SIX4: variants seen among roughly 807,000 people sequenced by gnomAD.
SIX4 encodes the protein homeobox protein SIX4.
In SIX4, 23 loss-of-function variants were observed where a neutral mutation model predicts 51.5. That is an observed-to-expected ratio of 0.45 (90% confidence interval 0.32 to 0.63). The LOEUF is 0.63. Ranked by LOEUF, SIX4 falls within the 30% of genes least tolerant of loss-of-function variation. The pLI is 0.04. For synonymous variants in SIX4, 413 were observed against 417.3 expected, an observed-to-expected ratio of 0.99 and a Z score of 0.13; for missense variants, 867 against 984.0, an observed-to-expected ratio of 0.88 and a Z score of 1.59.
intron 1 of SIX4, among the ~76,000 whole-genome samples, chr14:60,721,303 G>C (rs1426735415): frequency 6.6e-6 from 1 of 152,084 alleles, no homozygotes; most frequent in African/African-American, 2.4e-5. Flanking sequence ...GGTAGTGATG[G>C]GGTTTCCCAT....
In SIX4 at chr14:60,713,678, G is replaced by C. The variant is rs771500878; in HGVS notation, c.2075C>G (p.Ala692Gly). The part of the protein sequence containing the change: ...QAALGEIVPT[A>G]EDQVGHPSPA... ...GGAGGGGTGACCTACCTGATCTTCA[G>C]CTGTAGGAACTATTTCCCCAAGGGC... The change falls in exon 3 of 3, where the codon GCT becomes GGT. Residue 692 changes from alanine to glycine, a missense_variant. Physicochemically the swap from Ala to Gly is moderately conservative, Grantham distance 60 (BLOSUM62 0). Transcript: ENST00000216513. 19 of 1,614,118 alleles carry C rather than the reference G, an allele frequency of 1.2e-5. No individual in the cohort carries two copies. The highest frequency in any genetic ancestry group is 6.7e-5 in the Admixed American group (4 of 60,002).
chr14:60,713,377 T>C lies in SIX4; in HGVS notation c.*30A>G. The C allele has an allele frequency of 2.6e-6, 4 of 1,547,324 alleles. No individual in the cohort carries two copies. Among genetic ancestry groups the C allele is most frequent in the Non-Finnish European group, 1.7e-6 (2 of 1,150,928 alleles). On this transcript the variant is annotated 3_prime_UTR_variant, in exon 3 of 3. Transcript: ENST00000216513. ...GCTTCATGAAAAGATTTGCCGCTGA[T>C]GCCAAAAAGAGGTGAGGAGGAAATA...
chr14:60,722,523 T>C lies in SIX4; in HGVS notation c.863+689A>G, dbSNP rs551508681. Among the ~76,000 whole-genome samples the C allele has an allele frequency of 6.6e-6, 1 of 152,074 alleles. No individual in the cohort carries two copies. The highest frequency in any genetic ancestry group is 6.5e-5 in the Admixed American group (1 of 15,280). ...GAGTTCAGAATCAGGTTTCAAAACATGACAGAGCCGAGCTGCACCAGCACC... is the reference window on the plus strand; with the variant it reads ...GAGTTCAGAATCAGGTTTCAAAACACGACAGAGCCGAGCTGCACCAGCACC... On this transcript the variant is annotated intron_variant, in intron 1 of 2. Coordinates refer to ENST00000216513, the MANE Select transcript of SIX4 (RefSeq NM_017420.5). This position sits in a 1 kb window ranked among gnomAD's most constrained non-coding sequence, Gnocchi z 5.9.
chr14:60,721,457 C>T (rs1296663133), intron 1 of SIX4, among the ~76,000 whole-genome samples: 1 of 152,196 alleles, frequency 6.6e-6, no homozygotes, highest in African/African-American at 2.4e-5. Flanking sequence ...AGGGGATTAC[C>T]CGGGCTTTGG....
intron 1 of SIX4, 131 bp downstream of exon 1, chr14:60,723,081 G>T: frequency 1.4e-6 from 2 of 1,419,412 alleles, no homozygotes; most frequent in Non-Finnish European, 9.1e-7. Context: ...GGTAGGGGGC[G>T]GGGAGAGGTG....
At position 60,719,403 on chromosome 14, in the gene SIX4, A is replaced by C. The variant is rs993957491; in HGVS notation, c.1549+357T>G. On this transcript the variant is annotated intron_variant, in intron 2 of 2. Coordinates refer to ENST00000216513, the MANE Select transcript of SIX4 (RefSeq NM_017420.5). The surrounding 1 kb of genome is among the most constrained non-coding windows in gnomAD (Gnocchi z 4.9). ...ACTGCTAGACTAATTTTGTGTTCTT[A>C]GCAATTTTATTAATTTTTAATATTA... Among the ~76,000 whole-genome samples, 3 of 152,224 alleles carry C rather than the reference A, an allele frequency of 2.0e-5. No homozygotes were observed. The highest frequency in any genetic ancestry group is 4.4e-5 in the Non-Finnish European group (3 of 68,030).
rs1170919547 is a variant in SIX4, at chr14:60,710,419, C to T, written c.*2988G>A. On this transcript the variant is annotated 3_prime_UTR_variant, in exon 3 of 3. Coordinates refer to ENST00000216513, the MANE Select transcript of SIX4 (RefSeq NM_017420.5). The stretch of plus-strand genomic sequence containing the variant: ...GGAACAAATGCACCTTCTCTTTAAA[C>T]AATAGACTGTCCTTTACTAGATTTA... 1 of 152,596 alleles carries T rather than the reference C, an allele frequency of 6.6e-6. No individual in the cohort carries two copies. Among genetic ancestry groups the T allele is most frequent in the East Asian group, 1.9e-4 (1 of 5,202 alleles). The allele number at this position is 152,596 out of a possible 1,614,324, so 9.5% of individuals were successfully genotyped here. A position where few individuals can be genotyped will look rare whatever the true frequency, so the allele number is the denominator to read the frequency against.
chr14:60,719,791 C>G lies in SIX4; in HGVS notation c.1518G>C (p.Gln506His). 1.2e-6 allele frequency: 2 copies of G among 1,614,146 alleles called. No individual in the cohort carries two copies. The highest frequency in any genetic ancestry group is 8.5e-7 in the Non-Finnish European group (1 of 1,180,000). ...AAGCTGCCACTGACACAGGGGGCAG[C>G]TGCAGTGGAGAGAATCCAATGCTCC... ...LNGSIGFSPL[Q>H]LPPVSVAASQ... Residue 506 changes from glutamine to histidine, a missense_variant, in exon 2 of 3, where the codon CAG becomes CAC. Coordinates refer to ENST00000216513, the MANE Select transcript of SIX4 (RefSeq NM_017420.5). The surrounding 1 kb of genome is among the most constrained non-coding windows in gnomAD (Gnocchi z 4.9).
rs777611313 is a variant in SIX4, at chr14:60,713,625, C to G, written c.2128G>C (p.Glu710Gln). ...SPAVHQDFVQ[E>Q]HRLVLQSVAN... Reference sequence around the variant, plus strand: ...ACCGATTGCAGAACCAAACGATGTTCTTGGACAAAATCCTGATGTACTGCT... The same window carrying G: ...ACCGATTGCAGAACCAAACGATGTTGTTGGACAAAATCCTGATGTACTGCT... The change falls in exon 3 of 3, where the codon GAA becomes CAA. Residue 710 changes from glutamate to glutamine, a missense_variant. By Grantham distance (29) the Glu-to-Gln change is conservative (BLOSUM62 2). Coordinates refer to ENST00000216513, the MANE Select transcript of SIX4 (RefSeq NM_017420.5). The G allele has an allele frequency of 1.9e-6, 3 of 1,614,226 alleles. No homozygotes were observed. The highest frequency in any genetic ancestry group is 1.7e-4 in the Middle Eastern group (1 of 6,060).
At position 60,722,963 on chromosome 14, in the gene SIX4, A is replaced by G; in HGVS notation, c.863+249T>C. 1.7e-6 allele frequency: 1 copy of G among 595,594 alleles called. No homozygotes were observed. The highest frequency in any genetic ancestry group is 2.7e-6 in the Non-Finnish European group (1 of 376,352). 36.9% of individuals were successfully genotyped at this position (595,594 alleles called of 1,614,324 possible). A position where few individuals can be genotyped will look rare whatever the true frequency, so the allele number is the denominator to read the frequency against. ...AGCCGAGGTGGGGGCGGGGACTGAG[A>G]CCTAGGCGGGCGACCAGAAACTTCT... On this transcript the variant is annotated intron_variant, in intron 1 of 2. Coordinates refer to ENST00000216513, the MANE Select transcript of SIX4 (RefSeq NM_017420.5). The surrounding 1 kb of genome is among the most constrained non-coding windows in gnomAD (Gnocchi z 5.9).
At position 60,719,834 on chromosome 14, in the gene SIX4, T is replaced by C. The variant is rs772416382; in HGVS notation, c.1475A>G (p.Asn492Ser). 6.2e-7 allele frequency: 1 copy of C among 1,614,240 alleles called. No individual in the cohort carries two copies. Among genetic ancestry groups the C allele is most frequent in the Non-Finnish European group, 8.5e-7 (1 of 1,180,048 alleles). The change falls in exon 2 of 3, where the codon AAC becomes AGC. Residue 492 changes from asparagine to serine, a missense_variant. Transcript: ENST00000216513. The surrounding 1 kb of genome is among the most constrained non-coding windows in gnomAD (Gnocchi z 4.9). The stretch of plus-strand genomic sequence containing the variant: ...AATGCTCCCATTAAGGAACTGGCTG[T>C]TTGCTCCGGAATTGGGGATCTGGAC... ...GIVQIPNSGA[N>S]SQFLNGSIGF... is the part of the protein sequence containing the mutation.
At position 60,719,953 on chromosome 14, in the gene SIX4, C is replaced by T. The variant is rs764469549; in HGVS notation, c.1356G>A (p.Glu452=). ...VSFPGLIPST[E]VKREGIQTVA... ...CTGTTTGAATGCCTTCTCTTTTCAC[C>T]TCAGTGCTGGGTATCAGGCCTGGGA... The change falls in exon 2 of 3, where the codon GAG becomes GAA. Residue 452 remains glutamate, a synonymous_variant. Coordinates refer to ENST00000216513, the MANE Select transcript of SIX4 (RefSeq NM_017420.5). This position sits in a 1 kb window ranked among gnomAD's most constrained non-coding sequence, Gnocchi z 4.9. 5 of 1,614,094 alleles carry T rather than the reference C, an allele frequency of 3.1e-6. No individual in the cohort carries two copies. In the East Asian group the frequency reaches 6.7e-5, roughly 22 times the overall value.
rs978268493 is a variant in SIX4, at chr14:60,717,419, C to G, written c.1549+2341G>C. On this transcript the variant is annotated intron_variant, in intron 2 of 2. Coordinates refer to ENST00000216513, the MANE Select transcript of SIX4 (RefSeq NM_017420.5). This position sits in a 1 kb window ranked among gnomAD's most constrained non-coding sequence, Gnocchi z 4.6. ...GCTGATTTGTGGCAAAAAAACATCT[C>G]AAATAGATGTTTAGTTTATTGTGTG... Among the ~76,000 whole-genome samples, 2 of 152,150 alleles carry G rather than the reference C, an allele frequency of 1.3e-5. No individual in the cohort carries two copies. The highest frequency in any genetic ancestry group is 2.9e-5 in the Non-Finnish European group (2 of 68,036).
In SIX4 at chr14:60,723,796, C is replaced by G; in HGVS notation, c.279G>C (p.Arg93Ser). 18 of 1,537,176 alleles carry G rather than the reference C, an allele frequency of 1.2e-5. No homozygotes were observed. The highest frequency in any genetic ancestry group is 1.6e-5 in the Non-Finnish European group (18 of 1,147,730). The part of the protein sequence containing the change: ...QVQLHSELLG[R>S]HHHAAAAAAQ... The stretch of plus-strand genomic sequence containing the variant: ...CGGCGGCGGCGGCGGCGTGGTGGTG[C>G]CTGCCCAGAAGTTCCGAGTGGAGTT... Residue 93 changes from arginine to serine, a missense_variant, in exon 1 of 3, where the codon AGG becomes AGC. Arg to Ser is a moderately radical substitution (Grantham distance 110). Transcript: ENST00000216513.
At position 60,719,643 on chromosome 14, in the gene SIX4, G is replaced by A. The variant is rs1224269312; in HGVS notation, c.1549+117C>T. ...ACATCAAGGCTACTCTACAGCTTCG[G>A]CAGCTAATAAGGTACCTGAACAGAA... On this transcript the variant is annotated intron_variant, in intron 2 of 2. Coordinates refer to ENST00000216513, the MANE Select transcript of SIX4 (RefSeq NM_017420.5). The surrounding 1 kb of genome is among the most constrained non-coding windows in gnomAD (Gnocchi z 4.9). 1 of 1,013,450 alleles carries A rather than the reference G, an allele frequency of 9.9e-7. No homozygotes were observed. Among genetic ancestry groups the A allele is most frequent in the African/African-American group, 1.6e-5 (1 of 62,102 alleles). 62.8% of individuals were successfully genotyped at this position (1,013,450 alleles called of 1,614,324 possible).
In SIX4 at chr14:60,723,830, T is replaced by TCCGCCGCCGCTCCGGCCG. The variant is rs748843433; in HGVS notation, c.227_244dup (p.Ala76_Ala81dup). The TCCGCCGCCGCTCCGGCCG allele has an allele frequency of 1.3e-6, 2 of 1,523,640 alleles. No homozygotes were observed. Among genetic ancestry groups the TCCGCCGCCGCTCCGGCCG allele is most frequent in the Admixed American group, 2.2e-5 (1 of 45,614 alleles). The allele number at this position is 1,523,640 out of a possible 1,614,324, so 94.4% of individuals were successfully genotyped here. A position where few individuals can be genotyped will look rare whatever the true frequency, so the allele number is the denominator to read the frequency against. On this transcript the variant is annotated inframe_insertion, in exon 1 of 3. Coordinates refer to ENST00000216513, the MANE Select transcript of SIX4 (RefSeq NM_017420.5). ...AAGTTCCGAGTGGAGTTGTACCTGATCCGCCGCCGCTCCGGCCGCCGCCGC... is the reference window on the plus strand; with the variant it reads ...AAGTTCCGAGTGGAGTTGTACCTGATCCGCCGCCGCTCCGGCCGCCGCCGCCGCTCCGGCCGCCGCCGC...
chr14:60,713,553 T>C lies in SIX4; in HGVS notation c.2200A>G (p.Thr734Ala), dbSNP rs775034523. The change falls in exon 3 of 3, where the codon ACA becomes GCA. Residue 734 changes from threonine (T) to alanine (A), a missense_variant. By Grantham distance (58) the Thr-to-Ala change is moderately conservative (BLOSUM62 0). Coordinates refer to ENST00000216513, the MANE Select transcript of SIX4 (RefSeq NM_017420.5). Reference sequence around the variant, plus strand: ...GAGTCCAGCATCATTAAGCTACTTGTTGCTTTGCTCTCAGAATTTGATAAG... The same window carrying C: ...GAGTCCAGCATCATTAAGCTACTTGCTGCTTTGCTCTCAGAATTTGATAAG... ...NFLSNSESKA[T>A]SSLMMLDSKS... 3.1e-6 allele frequency: 5 copies of C among 1,614,228 alleles called. No homozygotes were observed. In the East Asian group the frequency reaches 1.1e-4, roughly 36 times the overall value.
At chr14:60,714,746 A>T (rs1380362594) in intron 2 of SIX4, among the ~76,000 whole-genome samples, 1 of 151,088 alleles carries the variant, frequency 6.6e-6, no homozygotes, top group Non-Finnish European at 1.5e-5. Flanking sequence ...GCTCATTGCA[A>T]CCTCTGCCTC....
chr14:60,723,870 C>A lies in SIX4; in HGVS notation c.205G>T (p.Glu69Ter). 2 of 1,545,058 alleles carry A rather than the reference C, an allele frequency of 1.3e-6. No individual in the cohort carries two copies. Among genetic ancestry groups the A allele is most frequent in the Non-Finnish European group, 1.7e-6 (2 of 1,159,710 alleles). ...ATAAARVSGE[E>*]GAVAAAAAGA... ...GCCGCCGCCGCCGCCACTGCCCCTT[C>A]CTCTCCGCTCACCCTGGCGGCAGCG... Residue 69 changes from glutamate to a stop codon, truncating the protein, a stop_gained, in exon 1 of 3, where the codon GAA becomes TAA. Coordinates refer to ENST00000216513, the MANE Select transcript of SIX4 (RefSeq NM_017420.5). LOFTEE classifies it high-confidence loss of function.
Sources: allele counts gnomAD v4.1 joint callset (sites outside exome capture counted in the v4.1 genomes callset), GRCh38; gene constraint gnomAD v4.1.1; non-coding constraint Gnocchi (gnomAD v3.1); transcripts MANE v1.5; gene names NCBI Gene and HGNC (gene_info 2026-07-23, HGNC 2026-07-21).